DCC: variants seen among roughly 807,000 people sequenced by gnomAD.
DCC encodes the protein netrin receptor DCC.
A neutral mutation model predicts 172.5 loss-of-function variants in DCC; 58 were observed. The ratio of observed to expected loss-of-function variants is 0.34; its 90% CI spans 0.27 to 0.42. The LOEUF (loss-of-function observed/expected upper bound fraction) is 0.42. Ranked by LOEUF, DCC falls within the 10% of genes least tolerant of loss-of-function variation. The pLI, the probability that DCC is intolerant of heterozygous loss-of-function variation, is 1.00. For synonymous variants in DCC, 709 were observed against 644.5 expected (o/e 1.10, Z -1.52); for missense variants, 1,740 against 1,791.0 (o/e 0.97, Z 0.51).
chr18:53,347,780 C>A (rs2057742562), intron 15 of DCC, among the ~76,000 whole-genome samples: 1 of 152,090 alleles, frequency 6.6e-6, no homozygotes, highest in Non-Finnish European at 1.5e-5. Context: ...TCACATCTTA[C>A]ATAGAGGGCA....
At chr18:53,129,469 A>G (rs1227783488) in intron 7 of DCC, among the ~76,000 whole-genome samples, 3 of 152,108 alleles carry the variant, frequency 2.0e-5, no homozygotes, top group South Asian at 2.1e-4. Flanking sequence ...ATGGTCCTAT[A>G]CATAAGTTTA....
intron 21 of DCC, among the ~76,000 whole-genome samples, chr18:53,421,037 T>C (rs1376696193): frequency 6.6e-6 from 1 of 152,220 alleles, no homozygotes; most frequent in Admixed American, 6.5e-5. Flanking sequence ...AACATTTTAG[T>C]GTCTCACAGA....
chr18:52,555,709 G>GT (rs2032897878), intron 1 of DCC, among the ~76,000 whole-genome samples: 1 of 152,024 alleles, frequency 6.6e-6, no homozygotes, highest in African/African-American at 2.4e-5. Context: ...TAAGAAGACT[G>GT]TTTTTTAAAA....
intron 14 of DCC, among the ~76,000 whole-genome samples, chr18:53,336,145 T>C (rs2057589008): frequency 6.6e-6 from 1 of 152,198 alleles, no homozygotes; most frequent in East Asian, 1.9e-4. Flanking sequence ...TACTCTACTA[T>C]TCCTCTGTGC....
chr18:53,149,988 T>C (rs1385099801), intron 7 of DCC, among the ~76,000 whole-genome samples: 1 of 152,208 alleles, frequency 6.6e-6, no homozygotes, highest in East Asian at 1.9e-4. Flanking sequence ...CCTTTTTGCT[T>C]CTTAATGAAA....
intron 20 of DCC, among the ~76,000 whole-genome samples, chr18:53,414,571 G>A (rs11872422): frequency 0.43 from 65,691 of 151,930 alleles, 16,010 homozygotes; most frequent in Non-Finnish European, 0.56. Flanking sequence ...AACATTGGCC[G>A]GGCGTGGTGG....
intron 1 of DCC, among the ~76,000 whole-genome samples, chr18:52,456,438 A>T (rs184482459): frequency 6.6e-6 from 1 of 152,148 alleles, no homozygotes; most frequent in Non-Finnish European, 1.5e-5. Flanking sequence ...CCTGGCACAC[A>T]TTTAAGATAT....
intron 7 of DCC, among the ~76,000 whole-genome samples, chr18:53,089,129 A>C (rs1214545345): frequency 6.6e-6 from 1 of 152,134 alleles, no homozygotes; most frequent in Non-Finnish European, 1.5e-5. Flanking sequence ...TCTGCCTCCC[A>C]GGCTGGAGTG....
chr18:52,546,783 G>A (rs2032629179), intron 1 of DCC, among the ~76,000 whole-genome samples: 1 of 151,934 alleles, frequency 6.6e-6, no homozygotes, highest in Admixed American at 6.6e-5. Flanking sequence ...TTTTCAATTG[G>A]CACTTGGGTT....
At chr18:53,339,984 C>T (rs2057637657) in intron 15 of DCC, 77 bp downstream of exon 15, 1 of 1,354,862 alleles carries the variant, frequency 7.4e-7, no homozygotes, top group Non-Finnish European at 1.0e-6. Context: ...TCTTGGAAAA[C>T]TGTTCCCTGG....
In DCC at chr18:52,353,292, C is replaced by T. The variant is rs530952885; in HGVS notation, c.91+12414C>T. Among the ~76,000 whole-genome samples the T allele has an allele frequency of 1.3e-4, 20 of 152,058 alleles. 1 individual carries two copies. The highest frequency in any genetic ancestry group is 7.7e-4 in the East Asian group (4 of 5,164). On this transcript the variant is annotated intron_variant, in intron 1 of 28. Transcript: ENST00000442544. ...TTTCTCATCAATACTCATATAAGAACGCATATTTTACAATGGTCTGCTGGT... is the reference window on the plus strand; with the variant it reads ...TTTCTCATCAATACTCATATAAGAATGCATATTTTACAATGGTCTGCTGGT...
At chr18:53,516,021 G>A (rs1462712213) in intron 27 of DCC, among the ~76,000 whole-genome samples, 2 of 147,818 alleles carry the variant, frequency 1.4e-5, no homozygotes, top group African/African-American at 5.3e-5. Flanking sequence ...AACAAAGCTG[G>A]AGGCATCACA....
At chr18:52,427,835 T>TCTTCCTTCCTTTCTTCCTTC (rs1481412682) in intron 1 of DCC, among the ~76,000 whole-genome samples, 12 of 46,020 alleles carry the variant, frequency 2.6e-4, no homozygotes, top group African/African-American at 6.7e-4. Flanking sequence ...TTCCTTCCTT[T>TCTTCCTTCCTTTCTTCCTTC]CTTCCTTCCT....
At chr18:53,355,537 T>C (rs1363399484) in intron 15 of DCC, among the ~76,000 whole-genome samples, 2 of 152,188 alleles carry the variant, frequency 1.3e-5, no homozygotes, top group African/African-American at 2.4e-5. Context: ...TTTGAAGCAA[T>C]TGTGAATGGG....
intron 3 of DCC, among the ~76,000 whole-genome samples, chr18:52,914,971 A>G (rs540788045): frequency 1.7e-4 from 26 of 152,260 alleles, no homozygotes; most frequent in African/African-American, 6.3e-4. Context: ...GGAATTTAAT[A>G]AAGAAAACCG....
At chr18:53,246,600 C>T (rs1185680360) in intron 12 of DCC, among the ~76,000 whole-genome samples, 1 of 151,840 alleles carries the variant, frequency 6.6e-6, no homozygotes, top group Non-Finnish European at 1.5e-5. Flanking sequence ...GACAATGTTG[C>T]CTCATGGGCA....
intron 9 of DCC, among the ~76,000 whole-genome samples, chr18:53,198,689 A>T (rs1203265574): frequency 1.3e-5 from 2 of 152,186 alleles, no homozygotes; most frequent in East Asian, 1.9e-4. Context: ...TTACTCCAAC[A>T]TAAGTACTTA....
In DCC at chr18:53,435,012, A is replaced by G; in HGVS notation, c.3164-132A>G. ...ATTTTCTTATAGGTGTAAGGGTATG[A>G]GAGTTGTCAGGCTTTCTTGGGGGTG... is the stretch of plus-strand genomic sequence containing the variant. On this transcript the variant is annotated intron_variant, in intron 21 of 28. Transcript: ENST00000442544. 3 of 750,640 alleles carry G rather than the reference A, an allele frequency of 4.0e-6. No homozygotes were observed. The East Asian group carries it at 7.4e-5, about 19-fold the overall frequency. The allele number at this position is 750,640 out of a possible 1,614,324, so 46.5% of individuals were successfully genotyped here. A position where few individuals can be genotyped will look rare whatever the true frequency, so the allele number is the denominator to read the frequency against.
At chr18:52,798,083 C>A (rs558352809) in intron 2 of DCC, among the ~76,000 whole-genome samples, 1 of 124,858 alleles carries the variant, frequency 8.0e-6, no homozygotes, top group South Asian at 3.2e-4. Flanking sequence ...TGCACAAAGG[C>A]TACACATAGC....
Sources: allele counts gnomAD v4.1 joint callset (sites outside exome capture counted in the v4.1 genomes callset), GRCh38; gene constraint gnomAD v4.1.1; transcripts MANE v1.5; gene names NCBI Gene and HGNC (gene_info 2026-07-23, HGNC 2026-07-21).